The following ADAMTS17 variants were observed in gnomAD, a reference collection of about 807,000 sequenced individuals.
ADAMTS17 encodes ADAM metallopeptidase with thrombospondin type 1 motif 17.
ADAMTS17 carries 113 observed loss-of-function variants against 141.5 expected under a neutral mutation model. The ratio of observed to expected loss-of-function variants is 0.80; its 90% CI spans 0.69 to 0.93. The LOEUF (loss-of-function observed/expected upper bound fraction) is 0.93. ADAMTS17 is among the 40% of genes least tolerant of loss of function. ADAMTS17 has a pLI of 0.00. For missense variants in ADAMTS17, 1,659 were observed against 1,517.9 expected, an observed-to-expected ratio of 1.09 and a Z score of -1.54; for synonymous variants, 768 against 630.6, an observed-to-expected ratio of 1.22 and a Z score of -3.27.
intron 18 of ADAMTS17, among the ~76,000 whole-genome samples, chr15:100,036,782 C>T (rs1269620032): frequency 6.6e-6 from 1 of 152,212 alleles, no homozygotes; most frequent in Non-Finnish European, 1.5e-5. Flanking sequence ...CATCTACCTT[C>T]CATCTCTACC....
At chr15:100,085,563 C>G (rs376945547) in intron 15 of ADAMTS17, among the ~76,000 whole-genome samples, 16 of 151,738 alleles carry the variant, frequency 1.1e-4, no homozygotes, top group Non-Finnish European at 1.8e-4. Flanking sequence ...AAGTTGAAAT[C>G]AAGGAAAAAA....
intron 6 of ADAMTS17, chr15:100,256,798 A>G (rs28482838): frequency 0.097 from 14,835 of 152,604 alleles, 1,443 homozygotes; most frequent in African/African-American, 0.25. Flanking sequence ...CTGCGTTCTC[A>G]GCTTTCTGGG....
intron 12 of ADAMTS17, 40 bp from the exon 13 acceptor site, chr15:100,117,053 G>T: frequency 1.3e-6 from 2 of 1,563,502 alleles, no homozygotes; most frequent in Middle Eastern, 2.1e-4. Flanking sequence ...CAGGTGGTGC[G>T]ACCAAAGGGC....
At chr15:100,221,537 T>A (rs2042134279) in intron 7 of ADAMTS17, among the ~76,000 whole-genome samples, 1 of 152,216 alleles carries the variant, frequency 6.6e-6, no homozygotes, top group South Asian at 2.1e-4. Context: ...TGCCCTGAGA[T>A]AACGGAAGTT....
chr15:100,000,662 C>A (rs1235150802), intron 18 of ADAMTS17, among the ~76,000 whole-genome samples: 1 of 152,084 alleles, frequency 6.6e-6, no homozygotes, highest in East Asian at 1.9e-4. Context: ...TACAGCCATG[C>A]GCCACCACGC....
intron 6 of ADAMTS17, among the ~76,000 whole-genome samples, chr15:100,258,213 T>A (rs992104928): frequency 6.6e-6 from 1 of 152,198 alleles, no homozygotes; most frequent in Admixed American, 6.5e-5. Flanking sequence ...TGCTTTCAAT[T>A]ATCTTGAATT....
intron 15 of ADAMTS17, among the ~76,000 whole-genome samples, chr15:100,061,330 G>A (rs1472719476): frequency 6.6e-6 from 1 of 152,158 alleles, no homozygotes; most frequent in Non-Finnish European, 1.5e-5. Context: ...CTCTAAGAAG[G>A]AAGCAGAGCA....
At chr15:100,116,706 C>T (rs963860507) in intron 13 of ADAMTS17, 141 bp downstream of exon 13, 11 of 1,162,910 alleles carry the variant, frequency 9.5e-6, no homozygotes, top group Admixed American at 5.8e-5. Flanking sequence ...AAAGTTGGGC[C>T]GCAGCTGAGC....
At chr15:100,115,629 G>C (rs1296657694) in intron 13 of ADAMTS17, among the ~76,000 whole-genome samples, 2 of 152,148 alleles carry the variant, frequency 1.3e-5, no homozygotes, top group African/African-American at 4.8e-5. Flanking sequence ...AGAGATGCCC[G>C]GGCCCACCTT....
intron 14 of ADAMTS17, among the ~76,000 whole-genome samples, chr15:100,106,567 T>G (rs1029946588): frequency 2.2e-4 from 33 of 152,314 alleles, no homozygotes; most frequent in African/African-American, 7.5e-4. Context: ...GAGCATAAAT[T>G]ATGTCCAGCC....
At chr15:100,041,519 C>T (rs1456385300) in intron 18 of ADAMTS17, among the ~76,000 whole-genome samples, 1 of 152,226 alleles carries the variant, frequency 6.6e-6, no homozygotes, top group Non-Finnish European at 1.5e-5. Flanking sequence ...CACAGTACTG[C>T]TCTTTGGATG....
intron 14 of ADAMTS17, among the ~76,000 whole-genome samples, chr15:100,102,447 ACCAAAGGGGATCTACATTTGAG>A (rs1285179853): frequency 1.6e-5 from 1 of 64,454 alleles, no homozygotes; most frequent in African/African-American, 1.0e-4. Flanking sequence ...TTGAGGGCCG[ACCAAAGGGGATCTACATTTGAG>A]GGCCAACTGA....
At chr15:100,100,446 A>C (rs1202321497) in intron 14 of ADAMTS17, among the ~76,000 whole-genome samples, 9 of 151,996 alleles carry the variant, frequency 5.9e-5, no homozygotes, top group Admixed American at 5.9e-4. Flanking sequence ...CTGCTGAGCA[A>C]TCTCTCCACT....
intron 8 of ADAMTS17, among the ~76,000 whole-genome samples, chr15:100,179,994 G>C (rs979426085): frequency 3.3e-5 from 5 of 152,202 alleles, no homozygotes; most frequent in South Asian, 2.1e-4. Context: ...CACTTTGCTG[G>C]TTGTTTTCTT....
intron 12 of ADAMTS17, chr15:100,129,722 A>G (rs1360584924): frequency 6.6e-6 from 1 of 150,702 alleles, no homozygotes; most frequent in Non-Finnish European, 1.5e-5. Context: ...CAGCCTGGGC[A>G]ACAAGAGCGA....
chr15:100,289,620 A>G (rs919082157), intron 3 of ADAMTS17, among the ~76,000 whole-genome samples: 1 of 152,238 alleles, frequency 6.6e-6, no homozygotes, highest in Non-Finnish European at 1.5e-5. Context: ...ATCTTCAACA[A>G]AATACTAGCA....
At chr15:100,050,697 C>T (rs193005660) in intron 17 of ADAMTS17, among the ~76,000 whole-genome samples, 21 of 152,288 alleles carry the variant, frequency 1.4e-4, no homozygotes, top group Non-Finnish European at 1.2e-4. Context: ...CTAGGGATGG[C>T]GGGGGCTATG....
intron 14 of ADAMTS17, among the ~76,000 whole-genome samples, chr15:100,102,089 TA>T (rs1388719980): frequency 1.3e-5 from 2 of 152,250 alleles, no homozygotes; most frequent in Non-Finnish European, 1.5e-5. Flanking sequence ...GTCTCAAAAT[TA>T]GTTTCCCTGC....
In ADAMTS17 at chr15:100,171,191, C is replaced by A. The variant is rs9806409; in HGVS notation, c.1182-15871G>T. On this transcript the variant is annotated intron_variant, in intron 8 of 21. Transcript: ENST00000268070. ...GCCTGCTGCCTCCAAAGTTCAAAGA[C>A]CTCCCAGGGATGTCCGATGGGACAG... Among the ~76,000 whole-genome samples, 1,346 of 152,252 alleles carry A rather than the reference C, an allele frequency of 8.8e-3. 27 individuals are homozygous for A. The highest frequency in any genetic ancestry group is 0.031 in the African/African-American group (1,279 of 41,530).
Sources: allele counts gnomAD v4.1 joint callset (sites outside exome capture counted in the v4.1 genomes callset), GRCh38; gene constraint gnomAD v4.1.1; transcripts MANE v1.5; gene names NCBI Gene and HGNC (gene_info 2026-07-23, HGNC 2026-07-21).